Variants in RPS13 observed in about 807,000 individuals in gnomAD.
The protein encoded by RPS13 is ribosomal protein S13.
A neutral mutation model predicts 24.6 loss-of-function variants in RPS13; 1 was observed. The ratio of observed to expected loss-of-function variants is 0.04; its 90% CI spans 0.01 to 0.19. The LOEUF (loss-of-function observed/expected upper bound fraction) is 0.19, where lower values mean the gene tolerates loss of function less well. RPS13 is among the 10% of genes least tolerant of loss of function. The pLI, the probability that RPS13 is intolerant of heterozygous loss-of-function variation, is 1.00. For synonymous variants in RPS13, 69 were observed against 65.3 expected (o/e 1.06, Z -0.27); for missense variants, 88 against 187.4 (o/e 0.47, Z 3.10).
chr11:17,075,894 G>A (rs1205335128), intron 3 of RPS13: 1 of 563,428 alleles, frequency 1.8e-6, no homozygotes, highest in South Asian at 1.6e-5. Context: ...GATGACCAAA[G>A]GGATTAATGA....
chr11:17,077,107 C>T, intron 3 of RPS13, 61 bp downstream of exon 3: 1 of 1,270,292 alleles, frequency 7.9e-7, no homozygotes. Context: ...TTACCACCTA[C>T]TAGATCCTAC....
Position 17,075,174 on chromosome 11 carries a change from C to A in RPS13, c.345G>T (p.Leu115=). ...NRKDKDAKFR[L]ILIESRIHRL... ...GGTGAATCCGGCTCTCTATTAGAAT[C>A]AGACGGAATTTAGCATCCTTATCCT... Residue 115 remains leucine, a synonymous_variant, in exon 5 of 6, where the codon CTG becomes CTT. Transcript: ENST00000525634. The A allele has an allele frequency of 1.2e-6, 2 of 1,605,136 alleles. No individual in the cohort carries two copies. Among genetic ancestry groups the A allele is most frequent in the Non-Finnish European group, 1.7e-6 (2 of 1,177,506 alleles).
intron 5 of RPS13, 95 bp from the exon 6 acceptor site, chr11:17,074,561 C>A: frequency 1.0e-6 from 1 of 961,530 alleles, no homozygotes; most frequent in South Asian, 1.4e-5. Flanking sequence ...GTGCTATTCT[C>A]AAACAGTTAA....
Position 17,075,583 on chromosome 11 carries a change from A to T in RPS13, c.192T>A (p.Arg64=), listed in dbSNP as rs1848013258. ...LRDSHGVAQV[R]FVTGNKILRI... The stretch of plus-strand genomic sequence containing the variant: ...TTAAAATTTTATTGCCTGTCACAAA[A>T]CGTACTTGTGCAACACCATGTGAAT... The change falls in exon 4 of 6, where the codon CGT becomes CGA. Residue 64 remains arginine (R), a synonymous_variant. Transcript: ENST00000525634. 3.1e-6 allele frequency: 5 copies of T among 1,610,900 alleles called. No individual in the cohort carries two copies. Among genetic ancestry groups the T allele is most frequent in the Non-Finnish European group, 4.2e-6 (5 of 1,179,058 alleles).
Position 17,077,664 on chromosome 11 carries a change from A to G in RPS13, c.-23T>C. 1.2e-6 allele frequency: 2 copies of G among 1,602,598 alleles called. No homozygotes were observed. The highest frequency in any genetic ancestry group is 1.7e-6 in the Non-Finnish European group (2 of 1,173,296). ...CATGATGGCGGCGATCAGGCAACGA[A>G]AGGAGAGCGAGAGTGGAAACGCCGC... On this transcript the variant is annotated 5_prime_UTR_variant, in exon 1 of 6. Coordinates refer to ENST00000525634, the MANE Select transcript of RPS13 (RefSeq NM_001017.3).
intron 3 of RPS13, chr11:17,076,771 GA>G: frequency 3.2e-6 from 1 of 316,206 alleles, no homozygotes; most frequent in Non-Finnish European, 6.1e-6. Context: ...TCAGCACATA[GA>G]AGGTAAACAT....
chr11:17,075,730 G>T, intron 3 of RPS13, 107 bp from the exon 4 acceptor site: 1 of 861,116 alleles, frequency 1.2e-6, no homozygotes, highest in Non-Finnish European at 1.9e-6. Context: ...GTAAGATGGG[G>T]GTATACTTTT....
At chr11:17,077,140 A>ATAGG (rs1225732774) in intron 3 of RPS13, 28 bp downstream of exon 3, 9 of 1,551,884 alleles carry the variant, frequency 5.8e-6, no homozygotes, top group Non-Finnish European at 8.0e-6. Context: ...GACAGGCGAA[A>ATAGG]TAGGCTATGT....
intron 2 of RPS13, 42 bp from the exon 3 acceptor site, chr11:17,077,288 A>C: frequency 1.3e-6 from 2 of 1,589,660 alleles, no homozygotes; most frequent in Non-Finnish European, 1.7e-6. Flanking sequence ...AGAACCCAGG[A>C]ATGGCGCCGC....
Position 17,077,666 on chromosome 11 carries a change from G to T in RPS13, c.-25C>A. ...TGATGGCGGCGATCAGGCAACGAAA[G>T]GAGAGCGAGAGTGGAAACGCCGCAG... On this transcript the variant is annotated 5_prime_UTR_variant, in exon 1 of 6. Coordinates refer to ENST00000525634, the MANE Select transcript of RPS13 (RefSeq NM_001017.3). The T allele has an allele frequency of 6.2e-7, 1 of 1,613,412 alleles. No individual in the cohort carries two copies. The highest frequency in any genetic ancestry group is 8.5e-7 in the Non-Finnish European group (1 of 1,179,942).
rs776236339 is a variant in RPS13 at position 17,075,532 on chromosome 11, A to G, written c.243T>C (p.Ala81=). 1 of 1,607,096 alleles carries G rather than the reference A, an allele frequency of 6.2e-7. No homozygotes were observed. The highest frequency in any genetic ancestry group is 1.1e-5 in the South Asian group (1 of 89,714). Residue 81 remains alanine, a synonymous_variant, in exon 4 of 6, where the codon GCT becomes GCC. Coordinates refer to ENST00000525634, the MANE Select transcript of RPS13 (RefSeq NM_001017.3). ...ILRILKSKGL[A]PDLPEDLYHL... Reference sequence around the variant, plus strand: ...GGTAGAGATCTTCAGGAAGATCAGGAGCAAGTCCCTTAGACTTAAGAATTC... The same window carrying G: ...GGTAGAGATCTTCAGGAAGATCAGGGGCAAGTCCCTTAGACTTAAGAATTC...
chr11:17,077,078 G>C lies in RPS13; in HGVS notation c.151+90C>G, dbSNP rs963803566. 9.4e-6 allele frequency: 9 copies of C among 960,308 alleles called. No individual in the cohort carries two copies. The Admixed American group carries it at 1.3e-4, about 14-fold the overall frequency. The allele number at this position is 960,308 out of a possible 1,614,324, so 59.5% of individuals were successfully genotyped here. ...AGCACGGTGGCGAGACCAGAGTTTTGGCTATTTTTAAAATAACTTTACCAC... is the reference window on the plus strand; with the variant it reads ...AGCACGGTGGCGAGACCAGAGTTTTCGCTATTTTTAAAATAACTTTACCAC... On this transcript the variant is annotated intron_variant, in intron 3 of 5. Coordinates refer to ENST00000525634, the MANE Select transcript of RPS13 (RefSeq NM_001017.3).
At position 17,075,117 on chromosome 11, in the gene RPS13, G is replaced by A; in HGVS notation, c.402C>T (p.Val134=). The A allele has an allele frequency of 1.2e-6, 2 of 1,609,000 alleles. No individual in the cohort carries two copies. Among genetic ancestry groups the A allele is most frequent in the Non-Finnish European group, 1.7e-6 (2 of 1,177,892 alleles). The change falls in exon 5 of 6, where the codon GTC becomes GTT. Residue 134 remains valine, a synonymous_variant. Transcript: ENST00000525634. ...RLARYYKTKR[V]LPPNWKYESS... is the part of the protein sequence containing the mutation. ...CTTACTATTTCCAATTGGGAGGGAG[G>A]ACTCGCTTGGTCTTATAATATCGAG... is the stretch of plus-strand genomic sequence containing the variant.
chr11:17,076,750 C>G (rs1848030880), intron 3 of RPS13: 1 of 316,584 alleles, frequency 3.2e-6, no homozygotes, highest in Admixed American at 4.4e-5. Context: ...TCTCAGGCCC[C>G]AGAACCATGT....
rs760746370 is a variant in RPS13, at chr11:17,074,500, A to G, written c.423-34T>C. 42 of 1,550,928 alleles carry G rather than the reference A, an allele frequency of 2.7e-5. No individual in the cohort carries two copies. The South Asian group carries it at 4.4e-4, about 16-fold the overall frequency. On this transcript the variant is annotated intron_variant, in intron 5 of 5. Coordinates refer to ENST00000525634, the MANE Select transcript of RPS13 (RefSeq NM_001017.3). ...GAAAAAAGGGGAAAGAAAGAAAATC[A>G]GGATTAATACTAGTCCCTCCACATT...
chr11:17,076,445 A>T, intron 3 of RPS13: 1 of 317,676 alleles, frequency 3.1e-6, no homozygotes, highest in South Asian at 2.3e-5. Flanking sequence ...AATCCCACCT[A>T]TTCGGGAGGC....
At chr11:17,075,840 C>A in intron 3 of RPS13, 2 of 650,484 alleles carry the variant, frequency 3.1e-6, no homozygotes, top group Non-Finnish European at 5.7e-6. Context: ...GTGGAAACTG[C>A]GAATGTTGGA....
rs1474654746 is a variant in RPS13 at position 17,077,607 on chromosome 11, C to G, written c.23+12G>C. 1.5e-6 allele frequency: 2 copies of G among 1,370,832 alleles called. No homozygotes were observed. The highest frequency in any genetic ancestry group is 2.0e-6 in the Non-Finnish European group (2 of 1,001,998). The allele number at this position is 1,370,832 out of a possible 1,614,324, so 84.9% of individuals were successfully genotyped here. ...CCCCGCCCAGCAATCCGGCTTGATG[C>G]CCCGAGCTCACCCGGGAGCATGCAT... On this transcript the variant is annotated intron_variant, in intron 1 of 5. Coordinates refer to ENST00000525634, the MANE Select transcript of RPS13 (RefSeq NM_001017.3).
chr11:17,074,516 C>A, intron 5 of RPS13, 50 bp from the exon 6 acceptor site: 1 of 1,316,346 alleles, frequency 7.6e-7, no homozygotes, highest in Non-Finnish European at 1.1e-6. Context: ...AATACTAGTC[C>A]CTCCACATTC....
Sources: allele counts gnomAD v4.1 joint callset, GRCh38; gene constraint gnomAD v4.1.1; transcripts MANE v1.5; gene names NCBI Gene and HGNC (gene_info 2026-07-23, HGNC 2026-07-21).